The following MLLT3 variants were observed in gnomAD, a reference collection of about 807,000 sequenced individuals.
MLLT3 encodes protein AF-9.
In MLLT3, 4 loss-of-function variants were observed where a neutral mutation model predicts 53.2. That is an observed-to-expected ratio of 0.08 (90% CI 0.04 to 0.17). MLLT3 has a LOEUF of 0.17. Ranked by LOEUF, MLLT3 falls within the 10% of genes least tolerant of loss-of-function variation. MLLT3 has a pLI of 1.00. For synonymous variants in MLLT3, 283 were observed against 230.6 expected, an observed-to-expected ratio of 1.23 and a Z score of -2.06; for missense variants, 569 against 684.0, an observed-to-expected ratio of 0.83 and a Z score of 1.87.
intron 2 of MLLT3, among the ~76,000 whole-genome samples, chr9:20,587,678 T>A (rs943588731): frequency 1.2e-4 from 19 of 152,232 alleles, no homozygotes; most frequent in Non-Finnish European, 2.1e-4. Context: ...GCCCACTTGT[T>A]GATGGGGTTG....
At chr9:20,486,621 G>C (rs115435123) in intron 2 of MLLT3, among the ~76,000 whole-genome samples, 1 of 152,090 alleles carries the variant, frequency 6.6e-6, no homozygotes, top group Admixed American at 6.6e-5. Context: ...TTTAAATAAG[G>C]TAAGGTTACA....
At chr9:20,463,749 A>C (rs1316480941) in intron 2 of MLLT3, among the ~76,000 whole-genome samples, 1 of 152,200 alleles carries the variant, frequency 6.6e-6, no homozygotes, top group East Asian at 1.9e-4. Context: ...ATTGAAAATA[A>C]TACAAATGGA....
intron 3 of MLLT3, among the ~76,000 whole-genome samples, chr9:20,452,664 A>G (rs1823867565): frequency 6.6e-6 from 1 of 152,220 alleles, no homozygotes; most frequent in African/African-American, 2.4e-5. Context: ...GCCTAGACCT[A>G]TTAAATTTTT....
intron 2 of MLLT3, among the ~76,000 whole-genome samples, chr9:20,566,168 G>A (rs1450231109): frequency 6.7e-6 from 1 of 149,700 alleles, no homozygotes; most frequent in Non-Finnish European, 1.5e-5. Context: ...GCTGAGCATA[G>A]TGGCTCATGC....
intron 2 of MLLT3, among the ~76,000 whole-genome samples, chr9:20,473,643 C>G (rs1824450630): frequency 1.3e-5 from 2 of 151,950 alleles, no homozygotes; most frequent in Non-Finnish European, 2.9e-5. Context: ...CTTAATCCAC[C>G]AGATAATACT....
chr9:20,581,726 A>G lies in MLLT3; in HGVS notation c.193+38928T>C, dbSNP rs575131517. On this transcript the variant is annotated intron_variant, in intron 2 of 10. Transcript: ENST00000380338. ...AGATGCAGGAACACTATGCAATTCT[A>G]TCAGGTACAAGGAAAACATTTAAAA... Among the ~76,000 whole-genome samples, 6 of 152,316 alleles carry G rather than the reference A, an allele frequency of 3.9e-5. No individual in the cohort carries two copies. In the East Asian group the frequency reaches 1.2e-3, roughly 29 times the overall value.
rs573853403 is a variant in MLLT3, at chr9:20,366,565, T to C, written c.1126-821A>G. On this transcript the variant is annotated intron_variant, in intron 5 of 10. Coordinates refer to ENST00000380338, the MANE Select transcript of MLLT3 (RefSeq NM_004529.4). Reference sequence around the variant, plus strand: ...AATCCTTTGGGTATATACCCCATAATGTGATTGCTGGGTCAAATGGTATTT... The same window carrying C: ...AATCCTTTGGGTATATACCCCATAACGTGATTGCTGGGTCAAATGGTATTT... 7.9e-5 allele frequency among the ~76,000 whole-genome samples: 12 copies of C among 152,360 alleles called. No homozygotes were observed. In the South Asian group the frequency reaches 1.4e-3, roughly 18 times the overall value.
chr9:20,484,360 C>G (rs1160885656), intron 2 of MLLT3, among the ~76,000 whole-genome samples: 1 of 152,168 alleles, frequency 6.6e-6, no homozygotes, highest in African/African-American at 2.4e-5. Context: ...TGCCCTACCT[C>G]TGACAGAACA....
At chr9:20,443,578 A>G (rs1823607973) in intron 4 of MLLT3, among the ~76,000 whole-genome samples, 1 of 152,352 alleles carries the variant, frequency 6.6e-6, no homozygotes, top group South Asian at 2.1e-4. Flanking sequence ...ATCTTTAAAC[A>G]CAACACAGAT....
At chr9:20,387,149 A>G (rs940101207) in intron 5 of MLLT3, among the ~76,000 whole-genome samples, 22 of 152,228 alleles carry the variant, frequency 1.4e-4, no homozygotes, top group Admixed American at 6.5e-5. Context: ...TTTAGCCTTC[A>G]CAGGCTGTTC....
intron 4 of MLLT3, among the ~76,000 whole-genome samples, chr9:20,443,446 A>G (rs1367852036): frequency 6.6e-6 from 1 of 152,218 alleles, no homozygotes; most frequent in Non-Finnish European, 1.5e-5. Flanking sequence ...TTTTCTAATG[A>G]AAAGTTACAT....
chr9:20,410,201 AAACCC>A (rs1822690869), intron 5 of MLLT3, among the ~76,000 whole-genome samples: 1 of 152,194 alleles, frequency 6.6e-6, no homozygotes, highest in Non-Finnish European at 1.5e-5. Context: ...TGCAGCATAT[AAACCC>A]ACAACCTTGA....
intron 2 of MLLT3, among the ~76,000 whole-genome samples, chr9:20,499,630 C>T (rs1034846205): frequency 6.6e-6 from 1 of 152,188 alleles, no homozygotes; most frequent in South Asian, 2.1e-4. Context: ...CTTATTTCCC[C>T]AAAATAGATG....
chr9:20,505,304 C>T (rs1468364332), intron 2 of MLLT3, among the ~76,000 whole-genome samples: 1 of 152,212 alleles, frequency 6.6e-6, no homozygotes, highest in African/African-American at 2.4e-5. Context: ...TACTAAGTGA[C>T]AGAATATGAC....
intron 2 of MLLT3, among the ~76,000 whole-genome samples, chr9:20,536,890 G>T (rs1448728367): frequency 6.6e-6 from 1 of 150,402 alleles, no homozygotes; most frequent in African/African-American, 2.4e-5. Flanking sequence ...ATACTGTGCA[G>T]AAAACATAAG....
At chr9:20,558,764 G>A (rs1158723063) in intron 2 of MLLT3, among the ~76,000 whole-genome samples, 1 of 152,160 alleles carries the variant, frequency 6.6e-6, no homozygotes, top group Non-Finnish European at 1.5e-5. Context: ...ATATCACTTA[G>A]CAAATGCAAT....
intron 2 of MLLT3, among the ~76,000 whole-genome samples, chr9:20,603,446 G>C (rs553590251): frequency 5.9e-5 from 9 of 152,050 alleles, no homozygotes; most frequent in African/African-American, 2.2e-4. Flanking sequence ...TCTGAATTTT[G>C]TTAACTAAGG....
rs896546884 is a variant in MLLT3, at chr9:20,344,722, C to T, written c.*1721G>A. The T allele has an allele frequency of 9.7e-5, 20 of 206,284 alleles. No individual in the cohort carries two copies. The highest frequency in any genetic ancestry group is 1.5e-4 in the Non-Finnish European group (15 of 101,116). 12.8% of individuals were successfully genotyped at this position (206,284 alleles called of 1,614,324 possible). ...GATAGAAAGAAACAGTGTAAAAAAT[C>T]CCCTTTTTAAAATGCAGAAATAACT... On this transcript the variant is annotated 3_prime_UTR_variant, in exon 11 of 11. Coordinates refer to ENST00000380338, the MANE Select transcript of MLLT3 (RefSeq NM_004529.4).
chr9:20,543,376 G>A (rs1468085372), intron 2 of MLLT3, among the ~76,000 whole-genome samples: 1 of 152,114 alleles, frequency 6.6e-6, no homozygotes, highest in Admixed American at 6.5e-5. Context: ...CCTTTCACTG[G>A]AATACACAGT....
Sources: allele counts gnomAD v4.1 joint callset (sites outside exome capture counted in the v4.1 genomes callset), GRCh38; gene constraint gnomAD v4.1.1; transcripts MANE v1.5; gene names NCBI Gene and HGNC (gene_info 2026-07-23, HGNC 2026-07-21).